MMP16: variants seen among roughly 807,000 people sequenced by gnomAD.
MMP16 encodes the protein matrix metallopeptidase 16, also known as matrix metalloproteinase-16.
In MMP16, 12 loss-of-function variants were observed where a neutral mutation model predicts 67.8. That is an observed-to-expected ratio of 0.18 (90% CI 0.11 to 0.29). MMP16 has a LOEUF of 0.29. Among genes scored for constraint, MMP16 ranks in the 10% least tolerant of loss-of-function variants. MMP16 has a pLI of 1.00. For missense variants in MMP16, 475 were observed against 765.7 expected, an observed-to-expected ratio of 0.62 and a Z score of 4.48; for synonymous variants, 249 against 255.9, an observed-to-expected ratio of 0.97 and a Z score of 0.26.
intron 1 of MMP16, among the ~76,000 whole-genome samples, chr8:88,288,962 C>A (rs1810876845): frequency 6.6e-6 from 1 of 152,086 alleles, no homozygotes; most frequent in Non-Finnish European, 1.5e-5. Flanking sequence ...ACACAAGAAA[C>A]AAGATAATTT....
intron 4 of MMP16, among the ~76,000 whole-genome samples, chr8:88,156,381 G>A (rs958192085): frequency 3.9e-5 from 6 of 151,996 alleles, no homozygotes; most frequent in Non-Finnish European, 8.8e-5. Flanking sequence ...CAATGGCAAA[G>A]CTACAATCTC....
chr8:88,076,067 C>G (rs1303607343), intron 6 of MMP16, among the ~76,000 whole-genome samples: 2 of 151,550 alleles, frequency 1.3e-5, no homozygotes, highest in African/African-American at 4.8e-5. Context: ...GTCTTAAGAG[C>G]CTTTAATAGT....
intron 4 of MMP16, among the ~76,000 whole-genome samples, chr8:88,132,128 T>C (rs962643847): frequency 2.0e-5 from 3 of 151,838 alleles, no homozygotes; most frequent in African/African-American, 7.3e-5. Flanking sequence ...TGTGGAGAAA[T>C]AGAGATTTTT....
intron 1 of MMP16, among the ~76,000 whole-genome samples, chr8:88,273,009 G>A (rs757000316): frequency 6.7e-6 from 1 of 148,808 alleles, no homozygotes; most frequent in South Asian, 2.1e-4. Flanking sequence ...AACAAATCAT[G>A]TCAGAAAAAG....
intron 6 of MMP16, among the ~76,000 whole-genome samples, chr8:88,081,499 C>A (rs565113173): frequency 6.6e-6 from 1 of 152,052 alleles, no homozygotes; most frequent in Non-Finnish European, 1.5e-5. Context: ...CCTGTAATCC[C>A]AGCTACTTGG....
At chr8:88,149,276 G>A (rs1808354232) in intron 4 of MMP16, among the ~76,000 whole-genome samples, 1 of 152,242 alleles carries the variant, frequency 6.6e-6, no homozygotes, top group Non-Finnish European at 1.5e-5. Context: ...CGGCAGCGAG[G>A]CTGGGTGAGG....
intron 4 of MMP16, among the ~76,000 whole-genome samples, chr8:88,119,306 G>A (rs1807780506): frequency 6.6e-6 from 1 of 152,026 alleles, no homozygotes; most frequent in African/African-American, 2.4e-5. Flanking sequence ...AAGGCATGAA[G>A]ATGACAAGTC....
intron 1 of MMP16, chr8:88,326,830 G>A: frequency 4.7e-6 from 2 of 424,926 alleles, no homozygotes; most frequent in Non-Finnish European, 8.7e-6. Context: ...AGCATGGACC[G>A]GCTACAATTG....
intron 1 of MMP16, among the ~76,000 whole-genome samples, chr8:88,247,004 A>G (rs1033012139): frequency 5.3e-5 from 8 of 152,244 alleles, no homozygotes; most frequent in African/African-American, 1.9e-4. Flanking sequence ...AAATTGTTAC[A>G]AAATAAGACA....
At chr8:88,068,122 G>A (rs939848014) in intron 7 of MMP16, among the ~76,000 whole-genome samples, 1 of 152,058 alleles carries the variant, frequency 6.6e-6, no homozygotes, top group African/African-American at 2.4e-5. Flanking sequence ...GTGTGTAGTG[G>A]TATTTCATTG....
Position 88,327,450 on chromosome 8 carries a change from A to T in MMP16, c.-244T>A. On this transcript the variant is annotated 5_prime_UTR_variant, in exon 1 of 10. Coordinates refer to ENST00000286614, the MANE Select transcript of MMP16 (RefSeq NM_005941.5). ...CATCCTCCGGGGTCAGTCACCGGGA[A>T]CGTGGCGCCTAAGTTCACCGGCGGT... The T allele has an allele frequency of 2.1e-6, 1 of 481,030 alleles. No individual in the cohort carries two copies. The highest frequency in any genetic ancestry group is 3.8e-6 in the Non-Finnish European group (1 of 261,946). The allele number at this position is 481,030 out of a possible 1,614,324, so 29.8% of individuals were successfully genotyped here. A position where few individuals can be genotyped will look rare whatever the true frequency, so the allele number is the denominator to read the frequency against.
At chr8:88,155,439 A>G (rs1337384631) in intron 4 of MMP16, among the ~76,000 whole-genome samples, 1 of 151,994 alleles carries the variant, frequency 6.6e-6, no homozygotes, top group Non-Finnish European at 1.5e-5. Flanking sequence ...GGATATATGT[A>G]TTTATGGATC....
At chr8:88,068,982 G>A (rs1408342516) in intron 7 of MMP16, among the ~76,000 whole-genome samples, 3 of 152,108 alleles carry the variant, frequency 2.0e-5, no homozygotes, top group African/African-American at 2.4e-5. Context: ...GATCACAGGC[G>A]TGAGCCACCT....
chr8:88,196,433 T>TC (rs1809258178), intron 2 of MMP16, among the ~76,000 whole-genome samples: 1 of 152,170 alleles, frequency 6.6e-6, no homozygotes. Flanking sequence ...AAGATAAGAA[T>TC]TAAGCTCCTT....
chr8:88,128,205 T>C (rs1807968031), intron 4 of MMP16, among the ~76,000 whole-genome samples: 1 of 151,826 alleles, frequency 6.6e-6, no homozygotes, highest in South Asian at 2.1e-4. Context: ...GAGGAATAAT[T>C]AGCAAAACAA....
chr8:88,190,740 T>C (rs1402501815), intron 2 of MMP16, among the ~76,000 whole-genome samples: 1 of 152,204 alleles, frequency 6.6e-6, no homozygotes, highest in African/African-American at 2.4e-5. Flanking sequence ...CATATATATA[T>C]ATAGCTTATT....
chr8:88,274,146 A>G (rs921440916), intron 1 of MMP16, among the ~76,000 whole-genome samples: 1 of 152,134 alleles, frequency 6.6e-6, no homozygotes, highest in African/African-American at 2.4e-5. Context: ...ATTTATGACG[A>G]TGAATTTAAA....
intron 1 of MMP16, among the ~76,000 whole-genome samples, chr8:88,205,327 G>A (rs181666135): frequency 6.6e-4 from 100 of 152,176 alleles, no homozygotes; most frequent in Non-Finnish European, 5.6e-4. Flanking sequence ...CTGTATGCTG[G>A]AAAGCCTAGG....
intron 2 of MMP16, among the ~76,000 whole-genome samples, chr8:88,191,098 AG>A (rs1809162444): frequency 6.6e-6 from 1 of 152,180 alleles, no homozygotes; most frequent in Non-Finnish European, 1.5e-5. Context: ...TTTTAAAATT[AG>A]GTGGGCAGAT....
Sources: gnomAD v4.1 joint callset for allele counts (sites outside exome capture counted in the v4.1 genomes callset) on GRCh38, gnomAD v4.1.1 for gene constraint, MANE v1.5 for transcripts, NCBI Gene and HGNC (gene_info 2026-07-23, HGNC 2026-07-21) for gene names.